Variants in UBR4 observed in about 807,000 individuals in gnomAD.
UBR4 encodes ubiquitin protein ligase E3 component n-recognin 4.
Under a neutral mutation model 575.6 loss-of-function variants are expected in UBR4, and 124 were observed. That is an observed-to-expected ratio of 0.22 (90% CI 0.19 to 0.25). The LOEUF is 0.25. Ranked by LOEUF, UBR4 falls within the 10% of genes least tolerant of loss-of-function variation. The pLI is 1.00. For missense variants in UBR4, 4,818 were observed against 6,478.8 expected (o/e 0.74, Z 8.80); for synonymous variants, 2,455 against 2,473.7 (o/e 0.99, Z 0.22).
At chr1:19,099,522 T>C in intron 90 of UBR4, 75 bp downstream of exon 90, 1 of 1,332,524 alleles carries the variant, frequency 7.5e-7, no homozygotes, top group Non-Finnish European at 1.1e-6. Flanking sequence ...TGATGAACAA[T>C]GGCTCCTGCT....
At chr1:19,122,441 A>G (rs1316478449) in intron 66 of UBR4, among the ~76,000 whole-genome samples, 2 of 152,272 alleles carry the variant, frequency 1.3e-5, no homozygotes, top group South Asian at 2.1e-4. Context: ...AAGTCCAAAC[A>G]GTTTCTCTTT....
Position 19,139,118 on chromosome 1 carries a change from C to A in UBR4, c.8696G>T (p.Gly2899Val), listed in dbSNP as rs760068566. Residue 2899 changes from glycine to valine, a missense_variant, in exon 59 of 106, where the codon GGC becomes GTC. Transcript: ENST00000375254. This position sits in a 1 kb window ranked among gnomAD's most constrained non-coding sequence, Gnocchi z 4.2. ...GCCAGCCACTGAGTCCACTGCACTGCCCCCGCTCTCCGAGCCCACACTACC... is the reference window on the plus strand; with the variant it reads ...GCCAGCCACTGAGTCCACTGCACTGACCCCGCTCTCCGAGCCCACACTACC... ...HGGSVGSESGGSAVDSVAGEH... is the reference protein window; with the variant it reads ...HGGSVGSESGVSAVDSVAGEH... The A allele has an allele frequency of 6.2e-7, 1 of 1,613,750 alleles. No individual in the cohort carries two copies. Among genetic ancestry groups the A allele is most frequent in the South Asian group, 1.1e-5 (1 of 91,050 alleles).
At position 19,173,082 on chromosome 1, in the gene UBR4, G is replaced by A. The variant is rs1237704978; in HGVS notation, c.3303C>T (p.Phe1101=). The A allele has an allele frequency of 6.2e-7, 1 of 1,614,162 alleles. No homozygotes were observed. The highest frequency in any genetic ancestry group is 1.7e-5 in the Admixed American group (1 of 60,030). ...EEYFARQISS[F]CSIDCTTILQ... ...AGATGGTGGTACAGTCGATACTACA[G>A]AAGGATGAGATCTTTAAAAATATGC... The change falls in exon 25 of 106, where the codon TTC becomes TTT. Residue 1101 remains phenylalanine, a synonymous_variant. Coordinates refer to ENST00000375254, the MANE Select transcript of UBR4 (RefSeq NM_020765.3).
rs754963369 is a variant in UBR4 at position 19,081,334 on chromosome 1, G to GT, written c.15233+14_15233+15insA. The GT allele has an allele frequency of 1.3e-5, 21 of 1,557,410 alleles. No homozygotes were observed. Among genetic ancestry groups the GT allele is most frequent in the Non-Finnish European group, 1.8e-5 (21 of 1,154,132 alleles). ...GGGAAATAGTGAGCAGCAGCTTCCG[G>GT]AAGCAGGTACTGACCTGGTGGCTCC... On this transcript the variant is annotated intron_variant, in intron 103 of 105. Coordinates refer to ENST00000375254, the MANE Select transcript of UBR4 (RefSeq NM_020765.3).
intron 104 of UBR4, 33 bp from the exon 105 acceptor site, chr1:19,076,935 GT>G: frequency 6.6e-7 from 1 of 1,521,466 alleles, no homozygotes; most frequent in African/African-American, 1.4e-5. Flanking sequence ...AGAGAGGTGG[GT>G]GACTTACTGC....
At chr1:19,104,533 G>T in intron 86 of UBR4, 52 bp downstream of exon 86, 2 of 1,587,860 alleles carry the variant, frequency 1.3e-6, no homozygotes, top group Non-Finnish European at 1.7e-6. Flanking sequence ...ACTAAGGGTT[G>T]TCCCTAAACA....
chr1:19,138,147 T>G lies in UBR4; in HGVS notation c.8766A>C (p.Thr2922=). 6.3e-7 allele frequency: 1 copy of G among 1,584,132 alleles called. No individual in the cohort carries two copies. Among genetic ancestry groups the G allele is most frequent in the South Asian group, 1.2e-5 (1 of 86,064 alleles). ...CTGGTCCAGCCGGATGCCCCTCAGCTGTAGCATCGCCATAAGCACTGCTCC... is the reference window on the plus strand; with the variant it reads ...CTGGTCCAGCCGGATGCCCCTCAGCGGTAGCATCGCCATAAGCACTGCTCC... ...SGRSSAYGDA[T]AEGHPAGPGS... The change falls in exon 60 of 106, where the codon ACA becomes ACC. Residue 2922 remains threonine (T), a synonymous_variant. Coordinates refer to ENST00000375254, the MANE Select transcript of UBR4 (RefSeq NM_020765.3).
Position 19,127,717 on chromosome 1 carries a change from C to G in UBR4, c.9134G>C (p.Arg3045Pro), listed in dbSNP as rs568050379. Residue 3045 changes from arginine (R) to proline (P), a missense_variant, in exon 63 of 106, where the codon CGC (arginine) becomes CCC (proline). Arg to Pro is a moderately radical substitution (Grantham distance 103). This residue lies in a region of UBR4 where 550 missense variants were observed against 791.5 expected (regional missense o/e 0.69). Coordinates refer to ENST00000375254, the MANE Select transcript of UBR4 (RefSeq NM_020765.3). ...DKKDVSKKNE[R>P]SALNEVHLVV... ...CAGATGGACTTCATTCAGGGCGCTG[C>G]GCTCATTCTTCTTGGAGACATCCTG... The G allele has an allele frequency of 9.3e-6, 15 of 1,614,096 alleles. No homozygotes were observed. In the South Asian group the frequency reaches 1.4e-4, roughly 15 times the overall value.
Position 19,076,967 on chromosome 1 carries a change from G to A in UBR4, c.15325-65C>T. 6 of 1,501,732 alleles carry A rather than the reference G, an allele frequency of 4.0e-6. No homozygotes were observed. In the South Asian group the frequency reaches 6.7e-5, roughly 17 times the overall value. 93.0% of individuals were successfully genotyped at this position (1,501,732 alleles called of 1,614,324 possible). ...ACTGCTGCCTCATCTTCCGCCTCAA[G>A]TCAGTCAGGCCATTTCAACCCCTCA... On this transcript the variant is annotated intron_variant, in intron 104 of 105. Coordinates refer to ENST00000375254, the MANE Select transcript of UBR4 (RefSeq NM_020765.3).
chr1:19,101,786 A>T (rs1224957407), intron 87 of UBR4, 145 bp from the exon 88 acceptor site: 1 of 1,329,654 alleles, frequency 7.5e-7, no homozygotes, highest in East Asian at 2.4e-5. Flanking sequence ...CAATAGTTCA[A>T]ATTGGAAATT....
rs115138250 is a variant in UBR4 at position 19,160,410 on chromosome 1, T to C, written c.5407-129A>G. ...CTACTTCACTTCCAGTTGGATATTC[T>C]AGCCATCTTCTCATTCTCATAATCC... On this transcript the variant is annotated intron_variant, in intron 38 of 105. Coordinates refer to ENST00000375254, the MANE Select transcript of UBR4 (RefSeq NM_020765.3). 1.5e-3 allele frequency: 1,335 copies of C among 896,312 alleles called. 11 individuals carry two copies. In the African/African-American group the frequency reaches 0.02, roughly 13 times the overall value. The allele number at this position is 896,312 out of a possible 1,614,324, so 55.5% of individuals were successfully genotyped here.
chr1:19,140,657 T>C (rs1339195937), intron 58 of UBR4, 131 bp downstream of exon 58: 1 of 960,678 alleles, frequency 1.0e-6, no homozygotes, highest in Admixed American at 2.2e-5. Flanking sequence ...CCCATCTTTC[T>C]AAAGCCAAGG....
chr1:19,179,317 A>G, intron 17 of UBR4, 97 bp from the exon 18 acceptor site: 1 of 1,265,648 alleles, frequency 7.9e-7, no homozygotes, highest in Non-Finnish European at 1.0e-6. Flanking sequence ...TTTAATATTG[A>G]ACAGAATATT....
chr1:19,192,234 G>C lies in UBR4; in HGVS notation c.1348C>G (p.Arg450Gly). The stretch of plus-strand genomic sequence containing the variant: ...GGGGAGCCCACTCCCTCTTTAGTAC[G>C]AGAAAGGATGTCTCTGACTCGGAGG... ...AALRVRDILS[R>G]TKEGVGSPKL... Residue 450 changes from arginine to glycine, a missense_variant, in exon 11 of 106, where the codon CGT (arginine) becomes GGT (glycine). By Grantham distance (125) the Arg-to-Gly change is moderately radical. Coordinates refer to ENST00000375254, the MANE Select transcript of UBR4 (RefSeq NM_020765.3). 1 of 1,614,096 alleles carries C rather than the reference G, an allele frequency of 6.2e-7. No individual in the cohort carries two copies. The highest frequency in any genetic ancestry group is 8.5e-7 in the Non-Finnish European group (1 of 1,180,014).
chr1:19,165,206 C>T (rs2088131588), intron 31 of UBR4, 43 bp downstream of exon 31: 4 of 1,567,094 alleles, frequency 2.6e-6, no homozygotes, highest in Non-Finnish European at 3.5e-6. Flanking sequence ...ATTAGCCGGA[C>T]ATCAAAGTTC....
chr1:19,119,716 C>G lies in UBR4; in HGVS notation c.10311-15G>C. 6.3e-7 allele frequency: 1 copy of G among 1,596,034 alleles called. No individual in the cohort carries two copies. The highest frequency in any genetic ancestry group is 8.6e-7 in the Non-Finnish European group (1 of 1,165,728). ...TGCTGGAATTTCTGTGGATATATGA[C>G]AGCTCATGTTACCAAGCAGCAGAAA... On this transcript the variant is annotated splice_polypyrimidine_tract_variant and intron_variant, in intron 69 of 105. Coordinates refer to ENST00000375254, the MANE Select transcript of UBR4 (RefSeq NM_020765.3).
intron 90 of UBR4, 63 bp downstream of exon 90, chr1:19,099,534 G>T: frequency 6.9e-7 from 1 of 1,450,866 alleles, no homozygotes; most frequent in Non-Finnish European, 9.6e-7. Flanking sequence ...GCTCCTGCTG[G>T]TACAAGTCTG....
intron 28 of UBR4, 75 bp downstream of exon 28, chr1:19,167,952 A>T: frequency 7.1e-7 from 1 of 1,418,152 alleles, no homozygotes; most frequent in Non-Finnish European, 9.4e-7. Context: ...CATAGTTATA[A>T]AACTCTCACT....
intron 89 of UBR4, 85 bp from the exon 90 acceptor site, chr1:19,099,762 G>T: frequency 2.5e-6 from 3 of 1,189,438 alleles, no homozygotes; most frequent in Non-Finnish European, 3.6e-6. Flanking sequence ...TTACGGCAAT[G>T]GTTGATAATT....
Sources: gnomAD v4.1 joint callset for allele counts (sites outside exome capture counted in the v4.1 genomes callset) on GRCh38, gnomAD v4.1.1 for gene constraint, gnomAD v4.1.1 regional missense constraint, Gnocchi (gnomAD v3.1) non-coding constraint, MANE v1.5 for transcripts, NCBI Gene and HGNC (gene_info 2026-07-23, HGNC 2026-07-21) for gene names.